The following GNA12 variants were observed in gnomAD, a reference collection of about 807,000 sequenced individuals.
GNA12 encodes G protein subunit alpha 12, also known as guanine nucleotide-binding protein subunit alpha-12.
In GNA12, 9 loss-of-function variants were observed where a neutral mutation model predicts 26.0. The observed-to-expected ratio is 0.35, with a 90% confidence interval of 0.21 to 0.60. GNA12 has a LOEUF of 0.60. GNA12 is among the 20% of genes least tolerant of loss of function. The pLI is 0.78. For synonymous variants in GNA12, 264 were observed against 219.6 expected (o/e 1.20, Z -1.79); for missense variants, 405 against 525.8 (o/e 0.77, Z 2.25).
At chr7:2,840,555 A>G (rs748436655) in intron 1 of GNA12, among the ~76,000 whole-genome samples, 1 of 152,222 alleles carries the variant, frequency 6.6e-6, no homozygotes, top group Non-Finnish European at 1.5e-5. Context: ...CTGCAGAGCA[A>G]TTTATTTAAA....
chr7:2,802,403 G>C (rs554719980), intron 1 of GNA12, among the ~76,000 whole-genome samples: 2 of 87,404 alleles, frequency 2.3e-5, no homozygotes, highest in Non-Finnish European at 4.1e-5. Flanking sequence ...TGGGGGGGTG[G>C]GGGGTGGGGT....
In GNA12 at chr7:2,729,707, G is replaced by C. The variant is rs60930161; in HGVS notation, c.*1474C>G. 6.6e-6 allele frequency: 1 copy of C among 152,538 alleles called. No homozygotes were observed. The highest frequency in any genetic ancestry group is 1.9e-4 in the East Asian group (1 of 5,326). 9.4% of individuals were successfully genotyped at this position (152,538 alleles called of 1,614,324 possible). A position where few individuals can be genotyped will look rare whatever the true frequency, so the allele number is the denominator to read the frequency against. On this transcript the variant is annotated 3_prime_UTR_variant, in exon 4 of 4. Coordinates refer to ENST00000275364, the MANE Select transcript of GNA12 (RefSeq NM_007353.3). Reference sequence around the variant, plus strand: ...CGAGGGCCCTGGGATATGTGACTGAGCCACAGCAACATTCGGGTGCCAATT... The same window carrying C: ...CGAGGGCCCTGGGATATGTGACTGACCCACAGCAACATTCGGGTGCCAATT...
intron 1 of GNA12, among the ~76,000 whole-genome samples, chr7:2,842,180 C>G (rs1287614356): frequency 7.0e-6 from 1 of 143,680 alleles, no homozygotes; most frequent in Non-Finnish European, 1.5e-5. Flanking sequence ...GGAGGGAGGA[C>G]AAAGGACGCT....
At chr7:2,762,608 C>T in intron 2 of GNA12, 1 of 1,527,772 alleles carries the variant, frequency 6.5e-7, no homozygotes, top group South Asian at 1.3e-5. Context: ...AAGGACAATC[C>T]CCTTCCGGAT....
At chr7:2,796,948 C>T (rs1040249181) in intron 1 of GNA12, among the ~76,000 whole-genome samples, 1 of 152,166 alleles carries the variant, frequency 6.6e-6, no homozygotes, top group African/African-American at 2.4e-5. Context: ...CTGAGGGGCA[C>T]ACTGCATACT....
rs538834153 is a variant in GNA12 at position 2,821,177 on chromosome 7, T to G, written c.309+22676A>C. 3.3e-5 allele frequency among the ~76,000 whole-genome samples: 5 copies of G among 152,366 alleles called. No homozygotes were observed. The East Asian group carries it at 9.6e-4, about 29-fold the overall frequency. On this transcript the variant is annotated intron_variant, in intron 1 of 3. Coordinates refer to ENST00000275364, the MANE Select transcript of GNA12 (RefSeq NM_007353.3). ...CTTATTCTTGGCTTAAGAATTTTTG[T>G]GATGACGCTTAGATTACAGATGTTC...
intron 2 of GNA12, among the ~76,000 whole-genome samples, chr7:2,740,711 A>C (rs146029050): frequency 2.1e-4 from 32 of 152,284 alleles, no homozygotes; most frequent in Middle Eastern, 3.4e-3. Flanking sequence ...CAGTTTCATA[A>C]GATGTTTAAT....
intron 1 of GNA12, chr7:2,815,036 T>C: frequency 1.3e-6 from 2 of 1,499,548 alleles, no homozygotes; most frequent in South Asian, 2.6e-5. Flanking sequence ...CAGTCCCCTG[T>C]CAAAGCCACC....
intron 2 of GNA12, among the ~76,000 whole-genome samples, chr7:2,776,635 GGCTGGC>G (rs1792084583): frequency 6.6e-6 from 1 of 152,336 alleles, no homozygotes; most frequent in East Asian, 1.9e-4. Flanking sequence ...GAGAGGAGCA[GGCTGGC>G]ATAAGGATTA....
intron 1 of GNA12, among the ~76,000 whole-genome samples, chr7:2,800,508 T>G (rs1583292588): frequency 6.6e-6 from 1 of 152,228 alleles, no homozygotes; most frequent in East Asian, 1.9e-4. Context: ...TCATAACCAC[T>G]GGGAAAAACT....
chr7:2,790,821 A>C (rs181536662), intron 2 of GNA12, among the ~76,000 whole-genome samples: 1 of 152,274 alleles, frequency 6.6e-6, no homozygotes, highest in East Asian at 1.9e-4. Flanking sequence ...AGAAAAAGTA[A>C]AAATTAGCCA....
At chr7:2,769,673 C>T (rs906487820) in intron 2 of GNA12, among the ~76,000 whole-genome samples, 1 of 152,062 alleles carries the variant, frequency 6.6e-6, no homozygotes, top group African/African-American at 2.4e-5. Context: ...GTGGAGCTTG[C>T]AGTGAGCCGA....
chr7:2,733,895 G>A (rs946350390), intron 2 of GNA12, among the ~76,000 whole-genome samples: 5 of 152,216 alleles, frequency 3.3e-5, no homozygotes, highest in Admixed American at 6.5e-5. Flanking sequence ...GTACAGTCTT[G>A]CTTCTGTCGA....
chr7:2,730,689 T>A lies in GNA12; in HGVS notation c.*492A>T, dbSNP rs1396624287. On this transcript the variant is annotated 3_prime_UTR_variant, in exon 4 of 4. Coordinates refer to ENST00000275364, the MANE Select transcript of GNA12 (RefSeq NM_007353.3). ...GGCTCAGGCACTGAGTTTAGCAGCATCGGCGTGCACTGGATCTCTACAAGC... is the reference window on the plus strand; with the variant it reads ...GGCTCAGGCACTGAGTTTAGCAGCAACGGCGTGCACTGGATCTCTACAAGC... 2 of 153,982 alleles carry A rather than the reference T, an allele frequency of 1.3e-5. No homozygotes were observed. The highest frequency in any genetic ancestry group is 2.9e-5 in the Non-Finnish European group (2 of 69,106). The allele number at this position is 153,982 out of a possible 1,614,324, so 9.5% of individuals were successfully genotyped here.
intron 2 of GNA12, among the ~76,000 whole-genome samples, chr7:2,793,286 G>A (rs889381426): frequency 1.4e-5 from 2 of 144,818 alleles, no homozygotes; most frequent in East Asian, 1.9e-4. Context: ...ACAGGAGCGC[G>A]AGAGGAAGCA....
At chr7:2,762,969 C>A (rs1791638444) in intron 2 of GNA12, 3 of 1,354,666 alleles carry the variant, frequency 2.2e-6, no homozygotes, top group Admixed American at 7.4e-5. Flanking sequence ...GTCTCCTGCT[C>A]CTCAGAAAGA....
intron 2 of GNA12, among the ~76,000 whole-genome samples, chr7:2,770,869 C>G (rs1264101132): frequency 6.6e-6 from 1 of 152,140 alleles, no homozygotes; most frequent in African/African-American, 2.4e-5. Flanking sequence ...GCAAGGCCAT[C>G]GTGCAAGATT....
At chr7:2,774,240 T>G (rs1792019728) in intron 2 of GNA12, among the ~76,000 whole-genome samples, 1 of 152,150 alleles carries the variant, frequency 6.6e-6, no homozygotes. Flanking sequence ...TTTCTATACA[T>G]GTATATGCAT....
chr7:2,745,179 A>T (rs555170637), intron 2 of GNA12, among the ~76,000 whole-genome samples: 1 of 152,308 alleles, frequency 6.6e-6, no homozygotes, highest in South Asian at 2.1e-4. Flanking sequence ...CACCACAAAG[A>T]TACTCCTTGA....
Sources: gnomAD v4.1 joint callset for allele counts (sites outside exome capture counted in the v4.1 genomes callset) on GRCh38, gnomAD v4.1.1 for gene constraint, MANE v1.5 for transcripts, NCBI Gene and HGNC (gene_info 2026-07-23, HGNC 2026-07-21) for gene names.